RCOR1: variants seen among roughly 807,000 people sequenced by gnomAD.
RCOR1 encodes the protein REST corepressor.
Under a neutral mutation model 64.0 loss-of-function variants are expected in RCOR1, and 12 were observed. The observed-to-expected ratio is 0.19, with a 90% CI of 0.12 to 0.30. The LOEUF is 0.30. Ranked by LOEUF, RCOR1 falls within the 10% of genes least tolerant of loss-of-function variation. The pLI, the probability that RCOR1 is intolerant of heterozygous loss-of-function variation, is 1.00. For missense variants in RCOR1, 502 were observed against 621.2 expected (o/e 0.81, Z 2.04); for synonymous variants, 279 against 227.2 (o/e 1.23, Z -2.05).
chr14:102,702,035 A>C (rs1895766624), intron 4 of RCOR1, among the ~76,000 whole-genome samples: 1 of 152,210 alleles, frequency 6.6e-6, no homozygotes, highest in Non-Finnish European at 1.5e-5. Context: ...TTTCTGCAAA[A>C]GTGTGGTGAT....
At chr14:102,675,134 A>G (rs960085063) in intron 2 of RCOR1, among the ~76,000 whole-genome samples, 15 of 151,790 alleles carry the variant, frequency 9.9e-5, no homozygotes, top group African/African-American at 3.6e-4. Flanking sequence ...GTATCTACCC[A>G]GAAATTAATG....
chr14:102,701,335 TATC>T lies in RCOR1; in HGVS notation c.498+8_498+10del, dbSNP rs777753547. On this transcript the variant is annotated splice_donor_region_variant and intron_variant, in intron 4 of 11. Transcript: ENST00000262241. ...CATGGGTACAACATGGAACAGGTAA[TATC>T]ATGGTTTTCTTTCTTTTGCTGTTAA... The T allele has an allele frequency of 3.8e-6, 6 of 1,572,908 alleles. No homozygotes were observed. The African/African-American group carries it at 5.5e-5, about 14-fold the overall frequency.
intron 2 of RCOR1, among the ~76,000 whole-genome samples, chr14:102,654,629 G>A (rs1376323980): frequency 6.6e-6 from 1 of 151,944 alleles, no homozygotes; most frequent in Non-Finnish European, 1.5e-5. Flanking sequence ...CACTTTGAGA[G>A]GCGAAGATGG....
chr14:102,610,047 T>G (rs1893593768), intron 2 of RCOR1, among the ~76,000 whole-genome samples: 1 of 151,964 alleles, frequency 6.6e-6, no homozygotes, highest in Admixed American at 6.6e-5. Context: ...GGAGAATCGC[T>G]TGAACCCTGG....
intron 2 of RCOR1, among the ~76,000 whole-genome samples, chr14:102,652,312 T>C (rs1044292811): frequency 4.6e-5 from 7 of 152,218 alleles, no homozygotes; most frequent in Admixed American, 1.3e-4. Flanking sequence ...AGGACTGTTA[T>C]GCTACACCAA....
At chr14:102,657,395 A>G (rs1894748865) in intron 2 of RCOR1, 2 of 985,224 alleles carry the variant, frequency 2.0e-6, no homozygotes, top group Admixed American at 6.2e-5. Context: ...CTTGGAGCTA[A>G]TTTCTTAACT....
intron 2 of RCOR1, among the ~76,000 whole-genome samples, chr14:102,593,646 C>A (rs996456958): frequency 1.3e-5 from 2 of 152,210 alleles, no homozygotes; most frequent in Non-Finnish European, 2.9e-5. Flanking sequence ...TCCAGGTGAG[C>A]TGCGCCTCGG....
chr14:102,677,254 A>C (rs1895197446), intron 2 of RCOR1, among the ~76,000 whole-genome samples: 1 of 100,528 alleles, frequency 9.9e-6, no homozygotes, highest in African/African-American at 4.6e-5. Context: ...GGCCGGGCAG[A>C]GGGGCTCCTC....
At chr14:102,610,535 A>G (rs930501196) in intron 2 of RCOR1, among the ~76,000 whole-genome samples, 1 of 152,112 alleles carries the variant, frequency 6.6e-6, no homozygotes, top group African/African-American at 2.4e-5. Flanking sequence ...TGATGAAATG[A>G]AAGCTTCATT....
chr14:102,652,902 A>G (rs974517024), intron 2 of RCOR1, among the ~76,000 whole-genome samples: 1 of 152,086 alleles, frequency 6.6e-6, no homozygotes, highest in African/African-American at 2.4e-5. Context: ...TGAATTTTAT[A>G]GTGTTACTCT....
intron 2 of RCOR1, among the ~76,000 whole-genome samples, chr14:102,622,172 C>T (rs940574153): frequency 5.5e-5 from 5 of 90,458 alleles, no homozygotes; most frequent in Non-Finnish European, 1.4e-4. Flanking sequence ...GCTGTGTAAC[C>T]TCTCTTTCTT....
At chr14:102,597,620 C>G (rs553159993) in intron 2 of RCOR1, among the ~76,000 whole-genome samples, 2 of 136,404 alleles carry the variant, frequency 1.5e-5, no homozygotes, top group African/African-American at 5.4e-5. Flanking sequence ...TGAGCCACTG[C>G]GCCCGACCTT....
At chr14:102,715,328 C>T (rs931654797) in intron 8 of RCOR1, among the ~76,000 whole-genome samples, 1 of 150,244 alleles carries the variant, frequency 6.7e-6, no homozygotes, top group African/African-American at 2.4e-5. Context: ...GCCTCGGCCT[C>T]CCAAAGTGCT....
chr14:102,619,355 G>C (rs1314933152), intron 2 of RCOR1, among the ~76,000 whole-genome samples: 1 of 152,006 alleles, frequency 6.6e-6, no homozygotes, highest in South Asian at 2.1e-4. Context: ...CCTAACCTCA[G>C]GTGATTCACC....
At chr14:102,625,231 C>CTTTTTTTTTTTT (rs61403856) in intron 2 of RCOR1, among the ~76,000 whole-genome samples, 4 of 79,190 alleles carry the variant, frequency 5.1e-5, no homozygotes, top group East Asian at 7.6e-4. Flanking sequence ...TATCTTGTTA[C>CTTTTTTTTTTTT]TTTTTTTTTT....
intron 2 of RCOR1, among the ~76,000 whole-genome samples, chr14:102,676,815 C>T (rs1221090017): frequency 3.7e-5 from 3 of 80,540 alleles, no homozygotes; most frequent in South Asian, 4.9e-4. Context: ...CGGGCAGAGG[C>T]GCCCCTCACC....
rs540264161 is a variant in RCOR1, at chr14:102,706,958, A to G, written c.499-393A>G. 5.3e-5 allele frequency among the ~76,000 whole-genome samples: 8 copies of G among 152,198 alleles called. No homozygotes were observed. In the South Asian group the frequency reaches 1.7e-3, roughly 31 times the overall value. ...AAATACCACCTTCCCTTGTTGCTGT[A>G]CCTAACAAGTTATCACCATCCTGAA... is the stretch of plus-strand genomic sequence containing the variant. On this transcript the variant is annotated intron_variant, in intron 4 of 11. Transcript: ENST00000262241.
Position 102,729,952 on chromosome 14 carries a change from G to T in RCOR1, c.*3446G>T, listed in dbSNP as rs1055688889. 2.0e-5 allele frequency: 8 copies of T among 398,930 alleles called. No individual in the cohort carries two copies. The highest frequency in any genetic ancestry group is 4.4e-6 in the Non-Finnish European group (1 of 226,088). The allele number at this position is 398,930 out of a possible 1,614,324, so 24.7% of individuals were successfully genotyped here. Reference sequence around the variant, plus strand: ...ACTTTCCTCAGATGGACTCCAGGTAGCCAGGTCACCTAAACCTAGTGGTCC... The same window carrying T: ...ACTTTCCTCAGATGGACTCCAGGTATCCAGGTCACCTAAACCTAGTGGTCC... On this transcript the variant is annotated 3_prime_UTR_variant, in exon 12 of 12. Coordinates refer to ENST00000262241, the MANE Select transcript of RCOR1 (RefSeq NM_015156.4).
chr14:102,689,012 T>G (rs917531727), intron 3 of RCOR1, among the ~76,000 whole-genome samples: 12 of 152,228 alleles, frequency 7.9e-5, no homozygotes, highest in Non-Finnish European at 1.6e-4. Context: ...CAGACACCAC[T>G]GCACTGCGCA....
Sources: allele counts gnomAD v4.1 joint callset (sites outside exome capture counted in the v4.1 genomes callset), GRCh38; gene constraint gnomAD v4.1.1; transcripts MANE v1.5; gene names NCBI Gene and HGNC (gene_info 2026-07-23, HGNC 2026-07-21).